The following TSPAN17 variants were observed in gnomAD, a reference collection of about 807,000 sequenced individuals.
TSPAN17 encodes tetraspanin-17.
In TSPAN17, 33 loss-of-function variants were observed where a neutral mutation model predicts 40.5. The ratio of observed to expected loss-of-function variants is 0.81; its 90% CI spans 0.62 to 1.09. TSPAN17 has a LOEUF of 1.09. Ranked by LOEUF, TSPAN17 falls within the 50% of genes least tolerant of loss-of-function variation. The pLI is 0.00. For synonymous variants in TSPAN17, 166 were observed against 169.4 expected (o/e 0.98, Z 0.15); for missense variants, 365 against 416.8 (o/e 0.88, Z 1.08).
chr5:176,657,155 T>C lies in TSPAN17; in HGVS notation c.809+199T>C, dbSNP rs548977433. ...GCTGTGCCTCCGCCTGGGCCTCTTG[T>C]CCCATATGCGTGTGTACACACACAT... On this transcript the variant is annotated intron_variant, in intron 8 of 8. Coordinates refer to ENST00000508164, the MANE Select transcript of TSPAN17 (RefSeq NM_130465.5). 50 of 645,698 alleles carry C rather than the reference T, an allele frequency of 7.7e-5. No homozygotes were observed. The African/African-American group carries it at 8.6e-4, about 11-fold the overall frequency. The allele number at this position is 645,698 out of a possible 1,614,324, so 40.0% of individuals were successfully genotyped here. A position where few individuals can be genotyped will look rare whatever the true frequency, so the allele number is the denominator to read the frequency against.
In TSPAN17 at chr5:176,650,357, A is replaced by C. The variant is rs913730904; in HGVS notation, c.88-1259A>C. Among the ~76,000 whole-genome samples, 2 of 152,226 alleles carry C rather than the reference A, an allele frequency of 1.3e-5. No individual in the cohort carries two copies. ...CCAGGAACTCCTGCTGGAGGCTGAG[A>C]GCTCACTTCCCAGCTGTTTTCCCAA... On this transcript the variant is annotated intron_variant, in intron 1 of 8. Transcript: ENST00000508164. The surrounding 1 kb of genome is among the most constrained non-coding windows in gnomAD (Gnocchi z 4.0).
chr5:176,654,202 C>T lies in TSPAN17; in HGVS notation c.457-693C>T, dbSNP rs184234983. ...GCCTGACTCCTCCAGCTCTCTGGCT[C>T]GGCCACGGGGCCTGCCTGTGTCTGC... On this transcript the variant is annotated intron_variant, in intron 4 of 8. Transcript: ENST00000508164. The surrounding 1 kb of genome is among the most constrained non-coding windows in gnomAD (Gnocchi z 4.3). 3.2e-3 allele frequency: 496 copies of T among 152,770 alleles called. 2 individuals carry two copies. Among genetic ancestry groups the T allele is most frequent in the Admixed American group, 6.2e-3 (95 of 15,316 alleles). The allele number at this position is 152,770 out of a possible 1,614,324, so 9.5% of individuals were successfully genotyped here. A position where few individuals can be genotyped will look rare whatever the true frequency, so the allele number is the denominator to read the frequency against.
Position 176,654,250 on chromosome 5 carries a change from C to G in TSPAN17, c.457-645C>G, listed in dbSNP as rs1448680533. 3.3e-5 allele frequency: 5 copies of G among 153,140 alleles called. No homozygotes were observed. The East Asian group carries it at 7.7e-4, about 24-fold the overall frequency. 9.5% of individuals were successfully genotyped at this position (153,140 alleles called of 1,614,324 possible). A position where few individuals can be genotyped will look rare whatever the true frequency, so the allele number is the denominator to read the frequency against. On this transcript the variant is annotated intron_variant, in intron 4 of 8. Transcript: ENST00000508164. The surrounding 1 kb of genome is among the most constrained non-coding windows in gnomAD (Gnocchi z 4.3). ...TGCTGCCGAGCTTGAGCTCCCCCAG[C>G]CCTGTGGGCTGCTCTCCAGCCCCTG...
rs74886113 is a variant in TSPAN17, at chr5:176,652,203, G to C, written c.285+303G>C. Among the ~76,000 whole-genome samples, 844 of 152,284 alleles carry C rather than the reference G, an allele frequency of 5.5e-3. 1 individual carries two copies. Among genetic ancestry groups the C allele is most frequent in the Middle Eastern group, 0.01 (3 of 294 alleles). On this transcript the variant is annotated intron_variant, in intron 3 of 8. Transcript: ENST00000508164. ...TGGCCTGGTTTCTCCCTGTTTCTCG[G>C]GCTCCCCCCGTTTGGCTCCATTCCC...
intron 4 of TSPAN17, 191 bp downstream of exon 4, chr5:176,653,104 A>C: frequency 3.4e-6 from 2 of 584,884 alleles, no homozygotes; most frequent in Non-Finnish European, 5.9e-6. Context: ...CCATTTGCCT[A>C]GTGCCATAGG....
At position 176,656,711 on chromosome 5, in the gene TSPAN17, G is replaced by C. The variant is rs1030443956; in HGVS notation, c.642G>C (p.Gln214His). Residue 214 changes from glutamine to histidine, a missense_variant, in exon 7 of 9, where the codon CAG (glutamine) becomes CAC (histidine). Gln to His is a conservative substitution (Grantham distance 24, BLOSUM62 0). Transcript: ENST00000508164. ...YDVRLKLELE[Q>H]QGFIHTKGCV... The stretch of plus-strand genomic sequence containing the variant: ...CTGCGTGTCCCCAGGAGCTGGAGCA[G>C]CAGGGCTTCATCCACACCAAAGGCT... 1 of 1,614,156 alleles carries C rather than the reference G, an allele frequency of 6.2e-7. No individual in the cohort carries two copies. Among genetic ancestry groups the C allele is most frequent in the East Asian group, 2.2e-5 (1 of 44,880 alleles).
intron 3 of TSPAN17, 28 bp from the exon 4 acceptor site, chr5:176,652,715 C>A (rs200341916): frequency 2.8e-4 from 451 of 1,611,914 alleles, no homozygotes; most frequent in Non-Finnish European, 3.6e-4. Flanking sequence ...GCGTTTCCAA[C>A]CCCTACTGTC....
At chr5:176,655,104 C>T (rs1761104641) in intron 5 of TSPAN17, 84 bp downstream of exon 5, 4 of 1,467,058 alleles carry the variant, frequency 2.7e-6, no homozygotes, top group East Asian at 5.0e-5. Context: ...CCGCTCCGCT[C>T]TGCCCTGCTC....
intron 5 of TSPAN17, 81 bp downstream of exon 5, chr5:176,655,101 G>T: frequency 6.8e-7 from 1 of 1,467,716 alleles, no homozygotes; most frequent in Non-Finnish European, 9.1e-7. Flanking sequence ...GCCCCGCTCC[G>T]CTCTGCCCTG....
At chr5:176,656,993 T>C (rs75345917) in intron 8 of TSPAN17, 37 bp downstream of exon 8, 5 of 1,602,234 alleles carry the variant, frequency 3.1e-6, no homozygotes, top group Non-Finnish European at 1.7e-6. Flanking sequence ...ATGCCTGGCC[T>C]ACGCAGGCCT....
In TSPAN17 at chr5:176,657,603, T is replaced by A. The variant is rs1761208792; in HGVS notation, c.895T>A (p.Ser299Thr). The A allele has an allele frequency of 6.2e-7, 1 of 1,613,636 alleles. No homozygotes were observed. Among genetic ancestry groups the A allele is most frequent in the Non-Finnish European group, 8.5e-7 (1 of 1,179,872 alleles). Residue 299 changes from serine to threonine, a missense_variant, in exon 9 of 9, where the codon TCT becomes ACT. Physicochemically the swap from Ser to Thr is moderately conservative, Grantham distance 58. Transcript: ENST00000508164. ...VLSTAGPQQN[S>T]LTGAPGPAPP... ...GTCCACGGCGGGGCCTCAGCAGAAC[T>A]CTCTGACTGGGGCCCCTGGCCCGGC...
Position 176,652,940 on chromosome 5 carries a change from C to G in TSPAN17, c.456+27C>G, listed in dbSNP as rs1231943589. 3 of 1,609,932 alleles carry G rather than the reference C, an allele frequency of 1.9e-6. No homozygotes were observed. The African/African-American group carries it at 4.0e-5, about 22-fold the overall frequency. On this transcript the variant is annotated intron_variant, in intron 4 of 8. Transcript: ENST00000508164. ...TGAGTCCAGTGTCCAGCCTGGGACACCTGTAGGAGGCGCCTTCCTGGCAGA... is the reference window on the plus strand; with the variant it reads ...TGAGTCCAGTGTCCAGCCTGGGACAGCTGTAGGAGGCGCCTTCCTGGCAGA...
chr5:176,654,873 G>A lies in TSPAN17; in HGVS notation c.457-22G>A. ...TCCTGGGATGGGCCTGGCTCACCTG[G>A]GGCTCTCCCCTGCCCCCACAGTGGT... On this transcript the variant is annotated intron_variant, in intron 4 of 8. Coordinates refer to ENST00000508164, the MANE Select transcript of TSPAN17 (RefSeq NM_130465.5). The surrounding 1 kb of genome is among the most constrained non-coding windows in gnomAD (Gnocchi z 4.3). 1 of 1,612,546 alleles carries A rather than the reference G, an allele frequency of 6.2e-7. No homozygotes were observed. The highest frequency in any genetic ancestry group is 1.1e-5 in the South Asian group (1 of 90,778).
intron 4 of TSPAN17, 98 bp downstream of exon 4, chr5:176,653,011 A>C (rs1251971301): frequency 3.0e-6 from 4 of 1,343,868 alleles, no homozygotes; most frequent in Non-Finnish European, 4.2e-6. Context: ...CTCCTTACCC[A>C]CCTGGGCTAG....
chr5:176,657,985 G>A lies in TSPAN17; in HGVS notation c.*287G>A, dbSNP rs1363046067. The A allele has an allele frequency of 5.5e-6, 2 of 361,608 alleles. No individual in the cohort carries two copies. The highest frequency in any genetic ancestry group is 4.3e-5 in the African/African-American group (2 of 46,686). The allele number at this position is 361,608 out of a possible 1,614,324, so 22.4% of individuals were successfully genotyped here. On this transcript the variant is annotated 3_prime_UTR_variant, in exon 9 of 9. Coordinates refer to ENST00000508164, the MANE Select transcript of TSPAN17 (RefSeq NM_130465.5). The stretch of plus-strand genomic sequence containing the variant: ...TGGACCCCGCTTTGAAGAGGGTGCA[G>A]CCTGGGAAGGGCGGCCTTGCTGGGG...
chr5:176,652,818 A>T lies in TSPAN17; in HGVS notation c.361A>T (p.Ile121Phe), dbSNP rs770346881. 6.2e-7 allele frequency: 1 copy of T among 1,614,170 alleles called. No homozygotes were observed. Residue 121 changes from isoleucine (I) to phenylalanine (F), a missense_variant, in exon 4 of 9, where the codon ATT (isoleucine) becomes TTT (phenylalanine). By Grantham distance (21) the Ile-to-Phe change is conservative (BLOSUM62 0). Coordinates refer to ENST00000508164, the MANE Select transcript of TSPAN17 (RefSeq NM_130465.5). The stretch of plus-strand genomic sequence containing the variant: ...CCTGGCCTTTGTCTTCAAGGACTGG[A>T]TTCGAGACCAGCTCAACCTCTTCAT... The part of the protein sequence containing the change: ...GILAFVFKDW[I>F]RDQLNLFINN...
At chr5:176,648,385 G>T (rs1374249787) in intron 1 of TSPAN17, among the ~76,000 whole-genome samples, 1 of 150,462 alleles carries the variant, frequency 6.6e-6, no homozygotes, top group Non-Finnish European at 1.5e-5. Context: ...GGGCGGGTCT[G>T]CCCCTACCGG....
At chr5:176,656,444 T>C (rs943202991) in intron 6 of TSPAN17, among the ~76,000 whole-genome samples, 1 of 151,510 alleles carries the variant, frequency 6.6e-6, no homozygotes, top group African/African-American at 2.4e-5. Flanking sequence ...GAGAAAGCAA[T>C]ATGAACAGCC....
chr5:176,653,799 T>C (rs1000214522), intron 4 of TSPAN17: 2 of 152,184 alleles, frequency 1.3e-5, no homozygotes, highest in African/African-American at 4.8e-5. Flanking sequence ...AGTTCATTCA[T>C]TCATTCAGCA....
Sources: gnomAD v4.1 joint callset for allele counts (sites outside exome capture counted in the v4.1 genomes callset) on GRCh38, gnomAD v4.1.1 for gene constraint, Gnocchi (gnomAD v3.1) non-coding constraint, MANE v1.5 for transcripts, NCBI Gene and HGNC (gene_info 2026-07-23, HGNC 2026-07-21) for gene names.